Variants in HMGXB4 observed in about 807,000 individuals in gnomAD.
HMGXB4 encodes HMG-box containing 4, also known as HMG domain-containing protein 4.
Under a neutral mutation model 63.9 loss-of-function variants are expected in HMGXB4, and 27 were observed. The observed-to-expected ratio is 0.42, with a 90% CI of 0.31 to 0.58. HMGXB4 has a LOEUF of 0.58. HMGXB4 is among the 20% of genes least tolerant of loss of function. The pLI is 0.13. For synonymous variants in HMGXB4, 264 were observed against 265.3 expected, an observed-to-expected ratio of 0.99 and a Z score of 0.05; for missense variants, 624 against 700.7, an observed-to-expected ratio of 0.89 and a Z score of 1.24.
intron 8 of HMGXB4, 141 bp downstream of exon 8, chr22:35,287,593 C>A: frequency 3.1e-6 from 2 of 644,138 alleles, no homozygotes; most frequent in Non-Finnish European, 2.8e-6. Flanking sequence ...TACAAGCTAC[C>A]AAAAAGAGAT....
chr22:35,262,666 G>A, intron 2 of HMGXB4: 1 of 561,664 alleles, frequency 1.8e-6, no homozygotes, highest in Non-Finnish European at 3.2e-6. Flanking sequence ...GTGATCCCCT[G>A]CAGCACTCTT....
chr22:35,292,142 G>A (rs1348889570), intron 9 of HMGXB4, among the ~76,000 whole-genome samples: 3 of 152,186 alleles, frequency 2.0e-5, no homozygotes, highest in African/African-American at 4.8e-5. Context: ...GATGTTGGTA[G>A]TAATATTCAT....
At chr22:35,287,319 A>T in intron 7 of HMGXB4, 28 bp from the exon 8 acceptor site, 1 of 1,524,834 alleles carries the variant, frequency 6.6e-7, no homozygotes, top group Non-Finnish European at 9.0e-7. Flanking sequence ...TTCTTAATTT[A>T]ATTTAATGTT....
At chr22:35,245,165 C>T in the HMGXB4 span, among the ~76,000 whole-genome samples, 1 of 152,148 alleles carries the variant, frequency 6.6e-6, no homozygotes, top group Non-Finnish European at 1.5e-5. Flanking sequence ...AGCCACTGCA[C>T]CCGGCCCATA....
chr22:35,254,139 C>T (rs1369800329), upstream of HMGXB4, among the ~76,000 whole-genome samples: 1 of 152,178 alleles, frequency 6.6e-6, no homozygotes, highest in African/African-American at 2.4e-5. Flanking sequence ...TGACAGGCCC[C>T]ACCTGTTGCT....
chr22:35,280,633 A>G (rs1473953782), intron 5 of HMGXB4, among the ~76,000 whole-genome samples: 3 of 152,194 alleles, frequency 2.0e-5, no homozygotes, highest in African/African-American at 7.2e-5. Flanking sequence ...AACCCTGACT[A>G]TATAACTTCC....
intron 1 of HMGXB4, 28 bp from the exon 2 acceptor site, chr22:35,262,295 A>G: frequency 1.6e-6 from 2 of 1,266,078 alleles, no homozygotes; most frequent in South Asian, 1.2e-5. Context: ...TTCGCATTAC[A>G]GGAGGGTTTT....
At chr22:35,243,692 T>C in the HMGXB4 span, among the ~76,000 whole-genome samples, 2 of 151,950 alleles carry the variant, frequency 1.3e-5, no homozygotes, top group Non-Finnish European at 2.9e-5. Flanking sequence ...TACAGGCATA[T>C]GCCACCACGC....
rs768436683 is a variant in HMGXB4, at chr22:35,265,379, A to C, written c.991A>C (p.Lys331Gln). Reference sequence around the variant, plus strand: ...AAAGAAGAGCAAAAAGAAGAAAGACAAGGAGAAGCATAAAGAGAAGCGACA... The same window carrying C: ...AAAGAAGAGCAAAAAGAAGAAAGACCAGGAGAAGCATAAAGAGAAGCGACA... ...KSKKSKKKKD[K>Q]EKHKEKRHSK... The change falls in exon 5 of 11, where the codon AAG becomes CAG. Residue 331 changes from lysine to glutamine, a missense_variant. By Grantham distance (53) the Lys-to-Gln change is moderately conservative. Transcript: ENST00000216106. 38 of 1,614,134 alleles carry C rather than the reference A, an allele frequency of 2.4e-5. No individual in the cohort carries two copies. The highest frequency in any genetic ancestry group is 3.2e-5 in the Non-Finnish European group (38 of 1,180,024).
At chr22:35,251,129 C>A in the HMGXB4 span, among the ~76,000 whole-genome samples, 1 of 151,484 alleles carries the variant, frequency 6.6e-6, no homozygotes, top group Non-Finnish European at 1.5e-5. Context: ...GGCTAGAGTG[C>A]AGTGGCGCGA....
At chr22:35,252,277 C>T in the HMGXB4 span, among the ~76,000 whole-genome samples, 1 of 152,160 alleles carries the variant, frequency 6.6e-6, no homozygotes, top group African/African-American at 2.4e-5. Flanking sequence ...TTTTGAAGTT[C>T]ACAATACTGT....
At chr22:35,263,929 C>T (rs1223019978) in intron 4 of HMGXB4, 55 bp downstream of exon 4, 11 of 1,595,998 alleles carry the variant, frequency 6.9e-6, no homozygotes, top group South Asian at 6.6e-5. Flanking sequence ...TTCTTGGAGT[C>T]GGGGTAGGGG....
chr22:35,243,097 G>A, the HMGXB4 span, among the ~76,000 whole-genome samples: 13 of 152,258 alleles, frequency 8.5e-5, no homozygotes, highest in East Asian at 3.9e-4. Flanking sequence ...GGGGCCAGGC[G>A]CGGTGGCTCA....
At chr22:35,273,489 A>C (rs1923729588) in intron 5 of HMGXB4, among the ~76,000 whole-genome samples, 1 of 152,230 alleles carries the variant, frequency 6.6e-6, no homozygotes, top group Non-Finnish European at 1.5e-5. Flanking sequence ...GGTGCATGTA[A>C]CATGCTTAGC....
At chr22:35,271,492 A>C (rs899172579) in intron 5 of HMGXB4, among the ~76,000 whole-genome samples, 8 of 152,340 alleles carry the variant, frequency 5.3e-5, no homozygotes, top group Admixed American at 5.2e-4. Context: ...AGTCGTTGAG[A>C]GCGTGGGCTG....
At chr22:35,251,414 T>G in the HMGXB4 span, among the ~76,000 whole-genome samples, 1 of 152,158 alleles carries the variant, frequency 6.6e-6, no homozygotes, top group Admixed American at 6.5e-5. Flanking sequence ...CTCATCTGCC[T>G]CCTCTGAGTC....
chr22:35,255,389 C>A (rs1047579978), upstream of HMGXB4, among the ~76,000 whole-genome samples: 8 of 152,012 alleles, frequency 5.3e-5, no homozygotes, highest in African/African-American at 1.9e-4. Flanking sequence ...GTGGCATGCA[C>A]CTGTGGTCCC....
rs1281113129 is a variant in HMGXB4, at chr22:35,294,613, ACT to A, written c.*967_*968del. 7.4e-5 allele frequency: 11 copies of A among 149,464 alleles called. No homozygotes were observed. The highest frequency in any genetic ancestry group is 2.7e-4 in the Admixed American group (4 of 15,038). The allele number at this position is 149,464 out of a possible 1,614,324, so 9.3% of individuals were successfully genotyped here. A position where few individuals can be genotyped will look rare whatever the true frequency, so the allele number is the denominator to read the frequency against. On this transcript the variant is annotated 3_prime_UTR_variant, in exon 11 of 11. Transcript: ENST00000216106. ...GAATTGCAAAAACAAAACAAAACTCACTCTCTTGTAGGTTTATTTATGTGTGT... is the reference window on the plus strand; with the variant it reads ...GAATTGCAAAAACAAAACAAAACTCACTCTTGTAGGTTTATTTATGTGTGT...
At chr22:35,242,965 A>G in the HMGXB4 span, among the ~76,000 whole-genome samples, 14 of 152,064 alleles carry the variant, frequency 9.2e-5, no homozygotes, top group Non-Finnish European at 1.9e-4. Context: ...GTTTGATTCC[A>G]TTTTTGTCTG....
Sources: gnomAD v4.1 joint callset for allele counts (sites outside exome capture counted in the v4.1 genomes callset) on GRCh38, gnomAD v4.1.1 for gene constraint, MANE v1.5 for transcripts, NCBI Gene and HGNC (gene_info 2026-07-23, HGNC 2026-07-21) for gene names.